The following MECOM variants were observed in gnomAD, a reference collection of about 807,000 sequenced individuals.
MECOM encodes the protein MDS1 and EVI1 complex locus.
MECOM carries 13 observed loss-of-function variants against 116.3 expected under a neutral mutation model. That is an observed-to-expected ratio of 0.11 (90% CI 0.07 to 0.18). The LOEUF (loss-of-function observed/expected upper bound fraction) is 0.18. Ranked by LOEUF, MECOM falls within the 10% of genes least tolerant of loss-of-function variation. The pLI, the probability that MECOM is intolerant of heterozygous loss-of-function variation, is 1.00. For missense variants in MECOM, 1,299 were observed against 1,509.0 expected (o/e 0.86, Z 2.31); for synonymous variants, 528 against 535.2 (o/e 0.99, Z 0.19).
chr3:169,634,860 A>T (rs1772524683), intron 1 of MECOM, among the ~76,000 whole-genome samples: 1 of 152,110 alleles, frequency 6.6e-6, no homozygotes, highest in African/African-American at 2.4e-5. Flanking sequence ...GAAACTTGAA[A>T]GGCCTCAAAA....
intron 1 of MECOM, among the ~76,000 whole-genome samples, chr3:169,414,674 T>C (rs113445677): frequency 0.037 from 5,688 of 152,048 alleles, 345 homozygotes; most frequent in African/African-American, 0.13. Flanking sequence ...GTATAACCAG[T>C]TTAGAAAGAA....
chr3:169,453,909 G>A (rs1309931121), intron 1 of MECOM, among the ~76,000 whole-genome samples: 2 of 151,572 alleles, frequency 1.3e-5, no homozygotes, highest in East Asian at 3.9e-4. Context: ...AAGGCTAAAA[G>A]CAATGGATAA....
At chr3:169,132,050 T>C in intron 3 of MECOM, 3 of 899,804 alleles carry the variant, frequency 3.3e-6, no homozygotes, top group Non-Finnish European at 4.0e-6. Context: ...CAAAGGAGAG[T>C]ATTTTGTTTT....
intron 1 of MECOM, among the ~76,000 whole-genome samples, chr3:169,662,307 C>A (rs1426627763): frequency 6.6e-6 from 1 of 152,138 alleles, no homozygotes; most frequent in African/African-American, 2.4e-5. Context: ...CCGGAGGCTG[C>A]GCTGCGCCCT....
intron 2 of MECOM, among the ~76,000 whole-genome samples, chr3:169,242,509 T>C (rs2149554151): frequency 6.6e-6 from 1 of 152,224 alleles, no homozygotes; most frequent in Admixed American, 6.5e-5. Flanking sequence ...GGAAGACTGC[T>C]CCGAACCTCA....
chr3:169,195,285 G>A (rs1748269285), intron 2 of MECOM, among the ~76,000 whole-genome samples: 1 of 152,058 alleles, frequency 6.6e-6, no homozygotes, highest in Non-Finnish European at 1.5e-5. Flanking sequence ...GGTCTAACCA[G>A]AGCTGATGCC....
chr3:169,144,201 A>G (rs1739012628), intron 2 of MECOM, among the ~76,000 whole-genome samples: 1 of 152,082 alleles, frequency 6.6e-6, no homozygotes, highest in Non-Finnish European at 1.5e-5. Context: ...TCATATTCGT[A>G]TAGTCTCATG....
intron 2 of MECOM, among the ~76,000 whole-genome samples, chr3:169,249,809 G>C (rs895599180): frequency 6.6e-6 from 1 of 152,128 alleles, no homozygotes. Context: ...GTGGCCCTCA[G>C]GGGTTACTGG....
chr3:169,412,969 T>C (rs763640723), intron 1 of MECOM, among the ~76,000 whole-genome samples: 8 of 152,248 alleles, frequency 5.3e-5, no homozygotes, highest in Non-Finnish European at 1.0e-4. Flanking sequence ...ATAACACCAG[T>C]GACTTTAACA....
intron 2 of MECOM, among the ~76,000 whole-genome samples, chr3:169,365,223 C>T (rs1291718372): frequency 6.6e-6 from 1 of 151,930 alleles, no homozygotes; most frequent in Non-Finnish European, 1.5e-5. Flanking sequence ...TTAAGGGATG[C>T]TCTAATTAAC....
intron 1 of MECOM, among the ~76,000 whole-genome samples, chr3:169,412,835 C>T (rs1481237512): frequency 1.3e-5 from 2 of 152,138 alleles, no homozygotes; most frequent in Admixed American, 6.5e-5. Context: ...AACAATCTCT[C>T]AGTTTGGGTT....
chr3:169,649,409 C>CAAAAAAAAAAAAAA (rs71634436), intron 1 of MECOM, among the ~76,000 whole-genome samples: 6 of 74,436 alleles, frequency 8.1e-5, no homozygotes, highest in Admixed American at 7.4e-4. Context: ...AACTCCATCT[C>CAAAAAAAAAAAAAA]AAAAAAAAAA....
chr3:169,602,013 G>A (rs10936588), intron 1 of MECOM, among the ~76,000 whole-genome samples: 96,597 of 151,968 alleles, frequency 0.64, 31,001 homozygotes, highest in East Asian at 0.74. Context: ...TTCAAGAAGA[G>A]GAACCCATTA....
intron 2 of MECOM, among the ~76,000 whole-genome samples, chr3:169,330,901 T>C (rs1032941290): frequency 6.6e-6 from 1 of 152,078 alleles, no homozygotes; most frequent in African/African-American, 2.4e-5. Flanking sequence ...TTTGTCTATA[T>C]ATAGAAATAT....
intron 8 of MECOM, among the ~76,000 whole-genome samples, chr3:169,113,457 C>CAGAG (rs10662833): frequency 1.1e-3 from 161 of 148,506 alleles, no homozygotes; most frequent in African/African-American, 3.4e-3. Flanking sequence ...AATATATATT[C>CAGAG]AGAGAGAGAG....
At chr3:169,420,503 A>G (rs1454228888) in intron 1 of MECOM, among the ~76,000 whole-genome samples, 1 of 152,174 alleles carries the variant, frequency 6.6e-6, no homozygotes, top group African/African-American at 2.4e-5. Context: ...GAAATGTAGC[A>G]GTGGTTTCTT....
chr3:169,411,803 C>G (rs1737598405), intron 1 of MECOM, among the ~76,000 whole-genome samples: 1 of 152,138 alleles, frequency 6.6e-6, no homozygotes, highest in South Asian at 2.1e-4. Context: ...CCAGCCTGGC[C>G]GACATGGCGA....
At chr3:169,188,823 T>A (rs1172975322) in intron 2 of MECOM, among the ~76,000 whole-genome samples, 29 of 152,086 alleles carry the variant, frequency 1.9e-4, no homozygotes, top group Non-Finnish European at 1.5e-5. Context: ...TCTTGCTAAG[T>A]ACAGAATTTA....
chr3:169,237,500 C>T (rs992815481), intron 2 of MECOM, among the ~76,000 whole-genome samples: 20 of 151,498 alleles, frequency 1.3e-4, no homozygotes, highest in African/African-American at 4.4e-4. Flanking sequence ...TAGAACTTGT[C>T]CCCGTATGAA....
Sources: allele counts gnomAD v4.1 joint callset (sites outside exome capture counted in the v4.1 genomes callset), GRCh38; gene constraint gnomAD v4.1.1; transcripts MANE v1.5; gene names NCBI Gene and HGNC (gene_info 2026-07-23, HGNC 2026-07-21).